ENOX1: variants seen among roughly 807,000 people sequenced by gnomAD.
ENOX1 encodes the protein ecto-NOX disulfide-thiol exchanger 1.
In ENOX1, 42 loss-of-function variants were observed where a neutral mutation model predicts 82.5. The observed-to-expected ratio is 0.51, with a 90% CI of 0.40 to 0.66. The LOEUF (loss-of-function observed/expected upper bound fraction) is 0.66. Among genes scored for constraint, ENOX1 ranks in the 30% least tolerant of loss-of-function variants. The probability of loss-of-function intolerance (pLI) is 0.00; values close to 1 mark genes in which losing one functional copy is unlikely to be tolerated. For synonymous variants in ENOX1, 271 were observed against 282.2 expected (o/e 0.96, Z 0.40); for missense variants, 608 against 811.6 (o/e 0.75, Z 3.05).
At chr13:43,334,240 T>C (rs1302600666) in intron 9 of ENOX1, among the ~76,000 whole-genome samples, 2 of 152,214 alleles carry the variant, frequency 1.3e-5, no homozygotes, top group Non-Finnish European at 2.9e-5. Flanking sequence ...ATTTCATTGA[T>C]GAAGAAACTG....
At chr13:43,478,424 AG>A (rs2058378551) in intron 3 of ENOX1, among the ~76,000 whole-genome samples, 1 of 152,170 alleles carries the variant, frequency 6.6e-6, no homozygotes, top group African/African-American at 2.4e-5. Flanking sequence ...AATTCTGAGA[AG>A]CCAAATATAA....
chr13:43,488,337 C>A (rs564446347), intron 2 of ENOX1, among the ~76,000 whole-genome samples: 1 of 152,206 alleles, frequency 6.6e-6, no homozygotes, highest in Non-Finnish European at 1.5e-5. Context: ...GCAAACACAG[C>A]AATATTCCCC....
chr13:43,524,756 C>A (rs1314975535), intron 2 of ENOX1, among the ~76,000 whole-genome samples: 1 of 152,054 alleles, frequency 6.6e-6, no homozygotes. Flanking sequence ...AGAGGTCTTC[C>A]CTAAGCACCT....
intron 6 of ENOX1, among the ~76,000 whole-genome samples, chr13:43,360,355 AG>A (rs1371521979): frequency 1.3e-5 from 2 of 151,334 alleles, no homozygotes; most frequent in African/African-American, 4.9e-5. Context: ...AGCCCAGAAA[AG>A]GGAGGGAAAA....
chr13:43,247,101 C>T (rs2043120515), intron 14 of ENOX1, among the ~76,000 whole-genome samples: 1 of 152,128 alleles, frequency 6.6e-6, no homozygotes, highest in South Asian at 2.1e-4. Context: ...GCAAGTGGAT[C>T]ACTTGATGTC....
At chr13:43,267,603 T>C (rs1226794965) in intron 13 of ENOX1, among the ~76,000 whole-genome samples, 1 of 152,228 alleles carries the variant, frequency 6.6e-6, no homozygotes, top group Non-Finnish European at 1.5e-5. Flanking sequence ...AGAGTTACTC[T>C]ACACAAATCC....
At chr13:43,504,521 T>C (rs2077084024) in intron 2 of ENOX1, among the ~76,000 whole-genome samples, 1 of 151,752 alleles carries the variant, frequency 6.6e-6, no homozygotes, top group African/African-American at 2.4e-5. Context: ...TGCAACAACA[T>C]GGATGAATCT....
intron 3 of ENOX1, among the ~76,000 whole-genome samples, chr13:43,451,166 T>C (rs971734307): frequency 6.6e-6 from 1 of 152,170 alleles, no homozygotes; most frequent in African/African-American, 2.4e-5. Flanking sequence ...GGAAGGACCT[T>C]ACATACCGAG....
At chr13:43,321,216 C>T in intron 11 of ENOX1, 1 of 451,936 alleles carries the variant, frequency 2.2e-6, no homozygotes, top group Admixed American at 2.4e-5. Context: ...GATTGCTGGA[C>T]TTCACTTCCC....
At chr13:43,509,835 TAAAG>T (rs1008787306) in intron 2 of ENOX1, among the ~76,000 whole-genome samples, 2 of 151,520 alleles carry the variant, frequency 1.3e-5, no homozygotes, top group African/African-American at 4.9e-5. Flanking sequence ...TTGCTTTTCC[TAAAG>T]AAAGAAAAAA....
chr13:43,387,220 A>G (rs1403990062), intron 5 of ENOX1, among the ~76,000 whole-genome samples: 3 of 152,212 alleles, frequency 2.0e-5, no homozygotes, highest in Non-Finnish European at 4.4e-5. Context: ...GATTGTGCTA[A>G]GTGCCATTTA....
chr13:43,541,927 G>A (rs1463038899), intron 2 of ENOX1, among the ~76,000 whole-genome samples: 2 of 151,978 alleles, frequency 1.3e-5, no homozygotes, highest in Non-Finnish European at 2.9e-5. Flanking sequence ...TCTTTTTCTA[G>A]TTATAAAAGT....
chr13:43,607,791 C>T (rs9316045), intron 2 of ENOX1, among the ~76,000 whole-genome samples: 25,329 of 152,128 alleles, frequency 0.17, 2,718 homozygotes, highest in East Asian at 0.47. Context: ...TGCTGATTCT[C>T]TTGAAGGTAA....
chr13:43,703,233 G>GA (rs1279497144), intron 1 of ENOX1, among the ~76,000 whole-genome samples: 1 of 152,198 alleles, frequency 6.6e-6, no homozygotes, highest in Non-Finnish European at 1.5e-5. Flanking sequence ...GGGAGGCATA[G>GA]AAAAATGGGT....
intron 3 of ENOX1, among the ~76,000 whole-genome samples, chr13:43,482,755 T>C (rs2058555336): frequency 6.6e-6 from 1 of 152,180 alleles, no homozygotes; most frequent in South Asian, 2.1e-4. Context: ...AGAATCTTGC[T>C]TGTAGACTAG....
At chr13:43,493,572 C>T (rs1051123861) in intron 2 of ENOX1, among the ~76,000 whole-genome samples, 4 of 152,170 alleles carry the variant, frequency 2.6e-5, no homozygotes, top group African/African-American at 9.7e-5. Context: ...ATCTGGGAAC[C>T]CCAGCTGATT....
At position 43,644,239 on chromosome 13, in the gene ENOX1, G is replaced by A. The variant is rs550855490; in HGVS notation, c.-219+23240C>T. 2.0e-5 allele frequency among the ~76,000 whole-genome samples: 3 copies of A among 152,266 alleles called. No homozygotes were observed. In the South Asian group the frequency reaches 6.2e-4, roughly 32 times the overall value. On this transcript the variant is annotated intron_variant, in intron 2 of 16. Transcript: ENST00000690772. ...TCTTTCATACTTTCAACCCTGATTA[G>A]TATGTGAGTGGCTGGTAAATAATTA... is the stretch of plus-strand genomic sequence containing the variant.
chr13:43,248,362 T>C (rs1003163146), intron 14 of ENOX1, among the ~76,000 whole-genome samples: 4 of 151,990 alleles, frequency 2.6e-5, no homozygotes, highest in African/African-American at 7.2e-5. Flanking sequence ...AATATATATG[T>C]ATGGTGGATA....
At chr13:43,405,026 A>G (rs1252444708) in intron 5 of ENOX1, among the ~76,000 whole-genome samples, 3 of 152,120 alleles carry the variant, frequency 2.0e-5, no homozygotes, top group Non-Finnish European at 4.4e-5. Flanking sequence ...GAATGCCACC[A>G]TTAATATCTG....
Sources: gnomAD v4.1 joint callset for allele counts (sites outside exome capture counted in the v4.1 genomes callset) on GRCh38, gnomAD v4.1.1 for gene constraint, MANE v1.5 for transcripts, NCBI Gene and HGNC (gene_info 2026-07-23, HGNC 2026-07-21) for gene names.